Variants in PDE3A observed in about 807,000 individuals in gnomAD.
PDE3A encodes cGMP-inhibited 3',5'-cyclic phosphodiesterase 3A.
A neutral mutation model predicts 98.3 loss-of-function variants in PDE3A; 43 were observed. That is an observed-to-expected ratio of 0.44 (90% CI 0.34 to 0.56). The LOEUF is 0.56. PDE3A is among the 20% of genes least tolerant of loss of function. The pLI is 0.01. For synonymous variants in PDE3A, 663 were observed against 567.9 expected (o/e 1.17, Z -2.38); for missense variants, 1,427 against 1,440.7 (o/e 0.99, Z 0.15).
At chr12:20,390,270 T>C (rs559976226) in intron 1 of PDE3A, among the ~76,000 whole-genome samples, 1 of 151,996 alleles carries the variant, frequency 6.6e-6, no homozygotes, top group Admixed American at 6.6e-5. Context: ...ATATTTTATG[T>C]GTACCAAACA....
At chr12:20,423,260 G>C (rs935229425) in intron 1 of PDE3A, among the ~76,000 whole-genome samples, 9 of 152,070 alleles carry the variant, frequency 5.9e-5, no homozygotes, top group African/African-American at 2.2e-4. Flanking sequence ...ATAAATAATG[G>C]CAATTAGATA....
intron 1 of PDE3A, among the ~76,000 whole-genome samples, chr12:20,492,765 C>T (rs1945851508): frequency 6.6e-6 from 1 of 152,134 alleles, no homozygotes; most frequent in South Asian, 2.1e-4. Flanking sequence ...TTTTATTCCA[C>T]ACTCACTGAT....
At chr12:20,672,796 C>A (rs1398207653) in intron 15 of PDE3A, among the ~76,000 whole-genome samples, 11 of 133,954 alleles carry the variant, frequency 8.2e-5, no homozygotes, top group African/African-American at 1.1e-4. Flanking sequence ...TGGGCAAGGA[C>A]TTCATGTCTA....
chr12:20,665,356 A>C (rs1320884787), intron 15 of PDE3A, among the ~76,000 whole-genome samples: 4 of 152,164 alleles, frequency 2.6e-5, no homozygotes, highest in Admixed American at 6.5e-5. Context: ...TTTTCTGTTT[A>C]AATTGGGTTT....
rs1944309788 is a variant in PDE3A at position 20,628,198 on chromosome 12, A to C, written c.1541-1710A>C. 2.6e-5 allele frequency among the ~76,000 whole-genome samples: 4 copies of C among 152,302 alleles called. No individual in the cohort carries two copies. In the South Asian group the frequency reaches 8.3e-4, roughly 32 times the overall value. On this transcript the variant is annotated intron_variant, in intron 5 of 15. Transcript: ENST00000359062. Reference sequence around the variant, plus strand: ...TTTTTTAAAAATATTTTCAACCATTAAATAATTCACAGCAAACTTATAACC... The same window carrying C: ...TTTTTTAAAAATATTTTCAACCATTCAATAATTCACAGCAAACTTATAACC...
chr12:20,633,657 G>A (rs1352908371), intron 6 of PDE3A, 36 bp from the exon 7 acceptor site: 1 of 1,253,496 alleles, frequency 8.0e-7, no homozygotes. Context: ...TTTGAAAAGA[G>A]GAGGCTACAC....
rs1297553637 is a variant in PDE3A at position 20,686,471 on chromosome 12, A to AT, written c.*6202dup. Among the ~76,000 whole-genome samples the AT allele has an allele frequency of 2.3e-4, 35 of 152,260 alleles. No homozygotes were observed. Among genetic ancestry groups the AT allele is most frequent in the African/African-American group, 8.2e-4 (34 of 41,594 alleles). On this transcript the variant is annotated 3_prime_UTR_variant, in exon 16 of 16. Coordinates refer to ENST00000359062, the MANE Select transcript of PDE3A (RefSeq NM_000921.5). ...CCAGTCAATAAACAACAGCCACTGCATTAATCTGCCCAGCATGATCAGATA... is the reference window on the plus strand; with the variant it reads ...CCAGTCAATAAACAACAGCCACTGCATTTAATCTGCCCAGCATGATCAGATA...
At chr12:20,406,017 G>A (rs575703259) in intron 1 of PDE3A, among the ~76,000 whole-genome samples, 4 of 152,108 alleles carry the variant, frequency 2.6e-5, no homozygotes, top group Non-Finnish European at 5.9e-5. Context: ...TATCCTACAG[G>A]TTCACCCATG....
At chr12:20,621,264 T>G (rs1592120332) in intron 4 of PDE3A, 32 bp from the exon 5 acceptor site, 1 of 1,218,216 alleles carries the variant, frequency 8.2e-7, no homozygotes, top group Non-Finnish European at 1.2e-6. Context: ...TTGTTTAATT[T>G]TCTTTTAATT....
At chr12:20,443,230 G>A (rs1198167986) in intron 1 of PDE3A, among the ~76,000 whole-genome samples, 1 of 152,110 alleles carries the variant, frequency 6.6e-6, no homozygotes, top group Non-Finnish European at 1.5e-5. Context: ...ATTTGAGGGA[G>A]ATTTAAAATA....
At chr12:20,493,234 C>A (rs1361042549) in intron 1 of PDE3A, among the ~76,000 whole-genome samples, 1 of 152,084 alleles carries the variant, frequency 6.6e-6, no homozygotes, top group African/African-American at 2.4e-5. Flanking sequence ...GTATCTTGAT[C>A]ACCTCCTTCT....
chr12:20,654,660 CTTTT>C (rs71442265), intron 15 of PDE3A, among the ~76,000 whole-genome samples: 56 of 85,856 alleles, frequency 6.5e-4, no homozygotes, highest in Middle Eastern at 0.01. Flanking sequence ...CTACACCCGG[CTTTT>C]TTTTTTTTTT....
At chr12:20,671,768 C>T (rs1176681504) in intron 15 of PDE3A, among the ~76,000 whole-genome samples, 107 of 139,872 alleles carry the variant, frequency 7.6e-4, no homozygotes, top group African/African-American at 2.8e-3. Context: ...AAACTGGAAG[C>T]ATTCCCTTTG....
At chr12:20,648,932 T>TTC (rs1565462576) in intron 13 of PDE3A, 41 bp downstream of exon 13, 1 of 1,280,130 alleles carries the variant, frequency 7.8e-7, no homozygotes, top group South Asian at 1.4e-5. Flanking sequence ...TTTTTCTTTT[T>TTC]TTTTTTTTTT....
At chr12:20,525,199 C>A (rs112779519) in intron 1 of PDE3A, among the ~76,000 whole-genome samples, 1 of 152,058 alleles carries the variant, frequency 6.6e-6, no homozygotes, top group Non-Finnish European at 1.5e-5. Flanking sequence ...TCTCCCTGTG[C>A]GTCAGTTTCC....
intron 10 of PDE3A, among the ~76,000 whole-genome samples, chr12:20,644,015 C>T (rs80203476): frequency 0.011 from 1,613 of 152,164 alleles, 5 homozygotes; most frequent in Middle Eastern, 0.017. Context: ...CATCCACCTC[C>T]GTACTGCTAT....
At chr12:20,670,583 T>A (rs979127904) in intron 15 of PDE3A, among the ~76,000 whole-genome samples, 7 of 151,944 alleles carry the variant, frequency 4.6e-5, no homozygotes, top group Non-Finnish European at 1.0e-4. Flanking sequence ...CTGAACAACC[T>A]GCTCCTGAAT....
intron 1 of PDE3A, among the ~76,000 whole-genome samples, chr12:20,549,730 TA>T (rs903393114): frequency 8.5e-5 from 13 of 152,072 alleles, no homozygotes; most frequent in Non-Finnish European, 1.8e-4. Context: ...AAATATAATA[TA>T]AAGATGATAT....
At chr12:20,617,768 C>G (rs1944040375) in intron 4 of PDE3A, among the ~76,000 whole-genome samples, 1 of 152,088 alleles carries the variant, frequency 6.6e-6, no homozygotes, top group South Asian at 2.1e-4. Flanking sequence ...CATGCCTTCT[C>G]AAATGCCTTT....
Sources: gnomAD v4.1 joint callset for allele counts (sites outside exome capture counted in the v4.1 genomes callset) on GRCh38, gnomAD v4.1.1 for gene constraint, MANE v1.5 for transcripts, NCBI Gene and HGNC (gene_info 2026-07-23, HGNC 2026-07-21) for gene names.